The following PCDHGB7 variants were observed in gnomAD, a reference collection of about 807,000 sequenced individuals.
PCDHGB7 encodes protocadherin gamma subfamily B, 7, also known as protocadherin gamma-B7.
Under a neutral mutation model 61.4 loss-of-function variants are expected in PCDHGB7, and 37 were observed. That is an observed-to-expected ratio of 0.60 (90% CI 0.46 to 0.79). The LOEUF (loss-of-function observed/expected upper bound fraction) is 0.79, where lower values mean the gene tolerates loss of function less well. PCDHGB7 is among the 30% of genes least tolerant of loss of function. The pLI is 0.00. For synonymous variants in PCDHGB7, 464 were observed against 503.5 expected (o/e 0.92, Z 1.05); for missense variants, 1,166 against 1,202.5 (o/e 0.97, Z 0.45).
At chr5:141,481,210 G>A (rs1351826116) in intron 1 of PCDHGB7, among the ~76,000 whole-genome samples, 2 of 152,128 alleles carry the variant, frequency 1.3e-5, no homozygotes, top group Admixed American at 1.3e-4. Context: ...TAAAAAACAT[G>A]GTAAGGTCTC....
rs914637211 is a variant in PCDHGB7, at chr5:141,422,245, G to C, written c.2415+1971G>C. The C allele has an allele frequency of 2.2e-5, 34 of 1,566,540 alleles. No individual in the cohort carries two copies. Among genetic ancestry groups the C allele is most frequent in the Non-Finnish European group, 2.8e-5 (32 of 1,162,588 alleles). On this transcript the variant is annotated intron_variant, in intron 1 of 3. Coordinates refer to ENST00000398594, the MANE Select transcript of PCDHGB7 (RefSeq NM_018927.4). ...CACGACGATGTTGATCACTGTTGTG[G>C]ATGTGAATGATAACGCTCCAGAAAT...
chr5:141,511,537 A>C lies in PCDHGB7; in HGVS notation c.*364A>C. 6.3e-6 allele frequency: 2 copies of C among 319,254 alleles called. No individual in the cohort carries two copies. The highest frequency in any genetic ancestry group is 6.7e-5 in the South Asian group (2 of 29,854). 19.8% of individuals were successfully genotyped at this position (319,254 alleles called of 1,614,324 possible). A position where few individuals can be genotyped will look rare whatever the true frequency, so the allele number is the denominator to read the frequency against. On this transcript the variant is annotated 3_prime_UTR_variant, in exon 4 of 4. Transcript: ENST00000398594. ...TCCATCCCATGCCTCCCTCCTCCCC[A>C]CCCCACTCCAACAGTTCCTCTTTCC... is the stretch of plus-strand genomic sequence containing the variant.
In PCDHGB7 at chr5:141,511,032, G is replaced by C. The variant is rs779589499; in HGVS notation, c.2649G>C (p.Gln883His). Residue 883 changes from glutamine to histidine, a missense_variant, in exon 4 of 4, where the codon CAG (glutamine) becomes CAC (histidine). Gln to His is a conservative substitution (Grantham distance 24). Coordinates refer to ENST00000398594, the MANE Select transcript of PCDHGB7 (RefSeq NM_018927.4). ...SARYGPQFTL[Q>H]HVPDYRQNVY... ...GCTACGGACCCCAGTTCACCCTGCA[G>C]CACGTGCCCGACTACCGCCAGAATG... 6.2e-7 allele frequency: 1 copy of C among 1,614,228 alleles called. No individual in the cohort carries two copies. The highest frequency in any genetic ancestry group is 8.5e-7 in the Non-Finnish European group (1 of 1,180,036).
chr5:141,472,337 C>T (rs1327386198), intron 1 of PCDHGB7, among the ~76,000 whole-genome samples: 1 of 151,764 alleles, frequency 6.6e-6, no homozygotes, highest in Non-Finnish European at 1.5e-5. Context: ...GTTGGGAGAT[C>T]GAGACCATCC....
At chr5:141,433,400 TATCTATTA>T (rs1426636766) in intron 1 of PCDHGB7, among the ~76,000 whole-genome samples, 16 of 151,506 alleles carry the variant, frequency 1.1e-4, no homozygotes, top group African/African-American at 3.4e-4. Context: ...TCTATCTATC[TATCTATTA>T]CTTTCTTGTA....
chr5:141,436,035 A>G (rs957896521), intron 1 of PCDHGB7, among the ~76,000 whole-genome samples: 3 of 152,178 alleles, frequency 2.0e-5, no homozygotes, highest in Non-Finnish European at 4.4e-5. Flanking sequence ...CTAAATTTGT[A>G]TTTACATTAG....
At chr5:141,429,925 A>G (rs1009987955) in intron 1 of PCDHGB7, among the ~76,000 whole-genome samples, 5 of 152,244 alleles carry the variant, frequency 3.3e-5, no homozygotes, top group African/African-American at 1.2e-4. Flanking sequence ...TATTAATAGA[A>G]TTCTGGAGTA....
intron 2 of PCDHGB7, among the ~76,000 whole-genome samples, chr5:141,498,949 AAGAG>A (rs1417276243): frequency 1.3e-4 from 18 of 133,552 alleles, no homozygotes; most frequent in African/African-American, 1.9e-4. Context: ...AAGAAAGAAA[AAGAG>A]AGAGAGGGAG....
intron 1 of PCDHGB7, among the ~76,000 whole-genome samples, chr5:141,425,459 C>A (rs2096876834): frequency 6.6e-6 from 1 of 152,200 alleles, no homozygotes; most frequent in African/African-American, 2.4e-5. Flanking sequence ...CATCACATTT[C>A]ATGTTATTAA....
chr5:141,493,289 C>A lies in PCDHGB7; in HGVS notation c.2416-1518C>A, dbSNP rs925045650. On this transcript the variant is annotated intron_variant, in intron 1 of 3. Coordinates refer to ENST00000398594, the MANE Select transcript of PCDHGB7 (RefSeq NM_018927.4). This position sits in a 1 kb window ranked among gnomAD's most constrained non-coding sequence, Gnocchi z 4.3. The stretch of plus-strand genomic sequence containing the variant: ...CTTCACAGAGGTCAAGTGACTTGCT[C>A]AAGTTCACAGAGCAAGTAAGAGAGA... 6.6e-6 allele frequency among the ~76,000 whole-genome samples: 1 copy of A among 152,176 alleles called. No individual in the cohort carries two copies. Among genetic ancestry groups the A allele is most frequent in the East Asian group, 1.9e-4 (1 of 5,194 alleles).
At chr5:141,453,517 C>T (rs1001603927) in intron 1 of PCDHGB7, among the ~76,000 whole-genome samples, 1 of 152,062 alleles carries the variant, frequency 6.6e-6, no homozygotes, top group African/African-American at 2.4e-5. Context: ...TCATTCCTCC[C>T]CTATACCTTC....
At chr5:141,505,341 A>G in intron 2 of PCDHGB7, 52 bp from the exon 3 acceptor site, 3 of 1,612,728 alleles carry the variant, frequency 1.9e-6, no homozygotes, top group Non-Finnish European at 2.5e-6. Context: ...CAGGAGGGGC[A>G]TGAGCTGTGC....
At position 141,489,074 on chromosome 5, in the gene PCDHGB7, C is replaced by A; in HGVS notation, c.2416-5733C>A. On this transcript the variant is annotated intron_variant, in intron 1 of 3. Coordinates refer to ENST00000398594, the MANE Select transcript of PCDHGB7 (RefSeq NM_018927.4). The surrounding 1 kb of genome is among the most constrained non-coding windows in gnomAD (Gnocchi z 4.5). ...TTCAGCTCCCCTCCCCCCTGCCCAC[C>A]CCCGCCACTCGGTGACTAAGAACTG... 9.4e-6 allele frequency: 3 copies of A among 320,798 alleles called. No individual in the cohort carries two copies. The highest frequency in any genetic ancestry group is 1.7e-5 in the Non-Finnish European group (3 of 177,744). 19.9% of individuals were successfully genotyped at this position (320,798 alleles called of 1,614,324 possible). A position where few individuals can be genotyped will look rare whatever the true frequency, so the allele number is the denominator to read the frequency against.
intron 1 of PCDHGB7, among the ~76,000 whole-genome samples, chr5:141,464,966 T>C (rs192224238): frequency 1.2e-3 from 178 of 152,274 alleles, no homozygotes; most frequent in Middle Eastern, 3.4e-3. Flanking sequence ...TGTCTTGAAC[T>C]ACTGGCTTCA....
At chr5:141,470,548 A>G (rs2099232978) in intron 1 of PCDHGB7, among the ~76,000 whole-genome samples, 1 of 152,182 alleles carries the variant, frequency 6.6e-6, no homozygotes, top group Non-Finnish European at 1.5e-5. Context: ...ATATTTATTG[A>G]GAGTTTCCTC....
chr5:141,422,338 A>C, intron 1 of PCDHGB7: 1 of 1,550,090 alleles, frequency 6.5e-7, no homozygotes, highest in Non-Finnish European at 8.7e-7. Flanking sequence ...TGCTCTTCTA[A>C]ATGTGCAAGA....
At position 141,438,243 on chromosome 5, in the gene PCDHGB7, A is replaced by C. The variant is rs1445738408; in HGVS notation, c.2415+17969A>C. ...TGGTTCAGGAAAATGTTTTTAAAAA[A>C]CTGTCATTGAAGAGACCATAGAATC... On this transcript the variant is annotated intron_variant, in intron 1 of 3. Coordinates refer to ENST00000398594, the MANE Select transcript of PCDHGB7 (RefSeq NM_018927.4). Among the ~76,000 whole-genome samples, 3 of 152,250 alleles carry C rather than the reference A, an allele frequency of 2.0e-5. No individual in the cohort carries two copies. In the East Asian group the frequency reaches 5.8e-4, roughly 29 times the overall value.
chr5:141,480,955 G>A (rs2154578440), intron 1 of PCDHGB7, among the ~76,000 whole-genome samples: 1 of 152,304 alleles, frequency 6.6e-6, no homozygotes, highest in South Asian at 2.1e-4. Context: ...TGAGGCGGAA[G>A]CATCAGTGAG....
rs994009107 is a variant in PCDHGB7 at position 141,490,364 on chromosome 5, G to A, written c.2416-4443G>A. ...ACAGTAGTGGGGTTGTTTAATGTGC[G>A]AGACCGGGACTCAGGTAGAAATGGT... On this transcript the variant is annotated intron_variant, in intron 1 of 3. Transcript: ENST00000398594. The surrounding 1 kb of genome is among the most constrained non-coding windows in gnomAD (Gnocchi z 5.4). 7 of 1,614,056 alleles carry A rather than the reference G, an allele frequency of 4.3e-6. No individual in the cohort carries two copies. In the African/African-American group the frequency reaches 5.3e-5, roughly 12 times the overall value.
Sources: gnomAD v4.1 joint callset for allele counts (sites outside exome capture counted in the v4.1 genomes callset) on GRCh38, gnomAD v4.1.1 for gene constraint, Gnocchi (gnomAD v3.1) non-coding constraint, MANE v1.5 for transcripts, NCBI Gene and HGNC (gene_info 2026-07-23, HGNC 2026-07-21) for gene names.